The following USP40 variants were observed in gnomAD, a reference collection of about 807,000 sequenced individuals.
USP40 encodes the protein ubiquitin specific peptidase 40, also known as ubiquitin carboxyl-terminal hydrolase 40.
USP40 carries 143 observed loss-of-function variants against 166.2 expected under a neutral mutation model. The ratio of observed to expected loss-of-function variants is 0.86; its 90% CI spans 0.75 to 0.99. The LOEUF (loss-of-function observed/expected upper bound fraction) is 0.99. Among genes scored for constraint, USP40 ranks in the 50% least tolerant of loss-of-function variants. USP40 has a pLI of 0.00. For missense variants in USP40, 1,444 were observed against 1,479.7 expected (o/e 0.98, Z 0.40); for synonymous variants, 498 against 524.0 (o/e 0.95, Z 0.68).
At chr2:233,488,570 G>A (rs537135967) in intron 27 of USP40, among the ~76,000 whole-genome samples, 7 of 152,304 alleles carry the variant, frequency 4.6e-5, no homozygotes, top group South Asian at 2.1e-4. Context: ...CTGTTCAGCC[G>A]GGGTTAAGAT....
chr2:233,502,094 G>A (rs1178390818), intron 21 of USP40, among the ~76,000 whole-genome samples: 1 of 152,146 alleles, frequency 6.6e-6, no homozygotes, highest in Admixed American at 6.5e-5. Flanking sequence ...GTAATGTGGA[G>A]GCCACTAATG....
intron 2 of USP40, among the ~76,000 whole-genome samples, chr2:233,565,101 T>G (rs181016959): frequency 1.3e-5 from 2 of 152,310 alleles, no homozygotes; most frequent in African/African-American, 4.8e-5. Context: ...TACTTTAAAT[T>G]ACAGGAATTA....
In USP40 at chr2:233,489,357, G is replaced by A; in HGVS notation, c.3131+8C>T. On this transcript the variant is annotated splice_region_variant and intron_variant, in intron 27 of 31. Transcript: ENST00000678225. ...GAGGGACAGTGTTGCGTCCAGCAAGGAACCTACCTGAGTGGCTGCCGGTCA... is the reference window on the plus strand; with the variant it reads ...GAGGGACAGTGTTGCGTCCAGCAAGAAACCTACCTGAGTGGCTGCCGGTCA... The A allele has an allele frequency of 6.3e-7, 1 of 1,578,258 alleles. No homozygotes were observed. The highest frequency in any genetic ancestry group is 8.6e-7 in the Non-Finnish European group (1 of 1,161,454).
chr2:233,555,328 C>A (rs879358946), intron 5 of USP40, among the ~76,000 whole-genome samples: 16 of 152,296 alleles, frequency 1.1e-4, no homozygotes, highest in Non-Finnish European at 1.9e-4. Context: ...TAAGCACTTA[C>A]AATTTGGCAA....
chr2:233,494,895 C>A (rs2065577136), intron 24 of USP40, among the ~76,000 whole-genome samples: 3 of 86,694 alleles, frequency 3.5e-5, no homozygotes, highest in Admixed American at 1.3e-4. Context: ...TGTAGATATA[C>A]TCATATACAA....
In USP40 at chr2:233,515,942, C is replaced by G. The variant is rs189287835; in HGVS notation, c.2384-3320G>C. On this transcript the variant is annotated intron_variant, in intron 18 of 31. Coordinates refer to ENST00000678225, the MANE Select transcript of USP40 (RefSeq NM_001365479.2). ...GCACTATTTGTTGAAAAAATGCTAT[C>G]TCTCTGCATGAAAATACCTTGGCAC... Among the ~76,000 whole-genome samples, 298 of 152,314 alleles carry G rather than the reference C, an allele frequency of 2.0e-3. 2 individuals are homozygous for G. Among genetic ancestry groups the G allele is most frequent in the Non-Finnish European group, 3.4e-3 (231 of 68,026 alleles).
intron 21 of USP40, among the ~76,000 whole-genome samples, chr2:233,500,655 A>T (rs1207187551): frequency 6.6e-6 from 1 of 152,208 alleles, no homozygotes; most frequent in Admixed American, 6.5e-5. Context: ...TTTTTTAAAA[A>T]GTAGGAAATG....
intron 21 of USP40, among the ~76,000 whole-genome samples, chr2:233,507,822 G>A (rs191556597): frequency 6.6e-6 from 1 of 152,194 alleles, no homozygotes. Context: ...TTAAAAAATA[G>A]TTAGAAAAGC....
At chr2:233,521,594 C>T (rs2067661779) in intron 16 of USP40, among the ~76,000 whole-genome samples, 1 of 152,136 alleles carries the variant, frequency 6.6e-6, no homozygotes, top group Admixed American at 6.5e-5. Flanking sequence ...ATAATTGCAG[C>T]CGGCAGTAGA....
intron 21 of USP40, among the ~76,000 whole-genome samples, chr2:233,507,582 T>C (rs1296601599): frequency 1.3e-5 from 2 of 150,928 alleles, no homozygotes; most frequent in Non-Finnish European, 2.9e-5. Context: ...ACAGAAAGGC[T>C]GATCGGTAAT....
chr2:233,518,225 G>A, intron 18 of USP40, among the ~76,000 whole-genome samples: 2 of 54,976 alleles, frequency 3.6e-5, no homozygotes, highest in South Asian at 6.3e-4. Flanking sequence ...TTTTTTAAAA[G>A]TCAAAACCAA....
intron 24 of USP40, among the ~76,000 whole-genome samples, chr2:233,495,212 A>T (rs190317701): frequency 2.6e-5 from 4 of 151,584 alleles, no homozygotes; most frequent in Non-Finnish European, 5.9e-5. Flanking sequence ...ATCTAGGTAC[A>T]GAATAGGTTG....
intron 21 of USP40, among the ~76,000 whole-genome samples, chr2:233,503,420 A>G (rs2066212506): frequency 6.6e-6 from 1 of 152,182 alleles, no homozygotes; most frequent in Non-Finnish European, 1.5e-5. Flanking sequence ...CAGATCCAGA[A>G]AGCTCACAGG....
chr2:233,555,578 T>C (rs546295652), intron 5 of USP40, among the ~76,000 whole-genome samples: 9 of 152,142 alleles, frequency 5.9e-5, no homozygotes, highest in Non-Finnish European at 1.2e-4. Flanking sequence ...AAGTCAAGCA[T>C]GTAGTAATTC....
intron 31 of USP40, among the ~76,000 whole-genome samples, 172 bp downstream of exon 31, chr2:233,481,031 C>T (rs1361908337): frequency 6.6e-6 from 1 of 152,146 alleles, no homozygotes; most frequent in East Asian, 1.9e-4. Context: ...GGAGGAGGCA[C>T]TCAAGGAGAG....
chr2:233,507,297 T>C (rs889084439), intron 21 of USP40, among the ~76,000 whole-genome samples: 2 of 152,228 alleles, frequency 1.3e-5, no homozygotes, highest in Admixed American at 6.5e-5. Context: ...AGAACTATCA[T>C]GTGATTCACC....
At chr2:233,563,635 T>G (rs1008486504) in intron 2 of USP40, among the ~76,000 whole-genome samples, 2 of 152,168 alleles carry the variant, frequency 1.3e-5, no homozygotes, top group Admixed American at 6.5e-5. Flanking sequence ...TCAGCTACAT[T>G]GTAATGGAGT....
Position 233,511,747 on chromosome 2 carries a change from A to T in USP40, c.2488T>A (p.Leu830Met). 1.2e-6 allele frequency: 2 copies of T among 1,612,532 alleles called. No homozygotes were observed. The highest frequency in any genetic ancestry group is 1.7e-6 in the Non-Finnish European group (2 of 1,179,386). Residue 830 changes from leucine (L) to methionine (M), a missense_variant, in exon 20 of 32, where the codon TTG (leucine) becomes ATG (methionine). By Grantham distance (15) the Leu-to-Met change is conservative (BLOSUM62 2). Transcript: ENST00000678225. ...GGTGCTTTTCCAAGACACAGTCCCA[A>T]TGAACTTCCCATCTTCAATTCTGCT... Reference protein sequence around the residue: ...KEAELKMGSSLGLCLGKAPSS... With the variant: ...KEAELKMGSSMGLCLGKAPSS...
chr2:233,495,295 T>TA (rs1559224951), intron 24 of USP40, among the ~76,000 whole-genome samples: 1 of 151,994 alleles, frequency 6.6e-6, no homozygotes, highest in African/African-American at 2.4e-5. Context: ...GCTATGTATA[T>TA]ACACATTGAA....
Sources: gnomAD v4.1 joint callset for allele counts (sites outside exome capture counted in the v4.1 genomes callset) on GRCh38, gnomAD v4.1.1 for gene constraint, MANE v1.5 for transcripts, NCBI Gene and HGNC (gene_info 2026-07-23, HGNC 2026-07-21) for gene names.